CFAP263: variants seen among roughly 807,000 people sequenced by gnomAD.
CFAP263 encodes the protein cilia and flagella associated protein 263.
chr16:58,280,885 A>G, the CFAP263 span: 1 of 814,338 alleles, frequency 1.2e-6, no homozygotes, highest in South Asian at 2.1e-5. Context: ...GGGGCAAATT[A>G]TAGGATACAA....
chr16:58,250,410 T>C, the CFAP263 span: 1 of 295,996 alleles, frequency 3.4e-6, no homozygotes. Context: ...GCTTAGCCGA[T>C]CCACAATTCT....
chr16:58,265,787 G>A, the CFAP263 span, among the ~76,000 whole-genome samples: 1 of 152,202 alleles, frequency 6.6e-6, no homozygotes, highest in Non-Finnish European at 1.5e-5. Flanking sequence ...CTCCTCAAGG[G>A]ACCCACATCT....
chr16:58,263,195 G>C, the CFAP263 span, among the ~76,000 whole-genome samples: 1 of 152,258 alleles, frequency 6.6e-6, no homozygotes, highest in South Asian at 2.1e-4. Context: ...GCAACTGCAG[G>C]CCAGTGTGTC....
chr16:58,259,842 T>C, the CFAP263 span: 11 of 1,511,848 alleles, frequency 7.3e-6, no homozygotes, highest in Admixed American at 1.9e-4. Context: ...AAAATATGCC[T>C]TTATGTTTTA....
chr16:58,254,026 G>T, the CFAP263 span: 2 of 1,614,144 alleles, frequency 1.2e-6, no homozygotes, highest in South Asian at 1.1e-5. Flanking sequence ...TCCAAATCCC[G>T]GACAGGTATG....
chr16:58,268,085 G>A, the CFAP263 span, among the ~76,000 whole-genome samples: 1 of 151,274 alleles, frequency 6.6e-6, no homozygotes, highest in Non-Finnish European at 1.5e-5. Context: ...ACGACATCTC[G>A]CCGATACCCA....
At chr16:58,258,578 T>C in the CFAP263 span, 6 of 1,550,074 alleles carry the variant, frequency 3.9e-6, no homozygotes, top group Admixed American at 8.7e-5. Context: ...AGGGATGTTA[T>C]GGAAATCATC....
chr16:58,259,888 T>C, the CFAP263 span: 11 of 1,604,216 alleles, frequency 6.9e-6, no homozygotes, highest in Admixed American at 1.7e-5. Context: ...TTGAAAAATG[T>C]TTCTCTCAAA....
chr16:58,253,255 C>A, the CFAP263 span, among the ~76,000 whole-genome samples: 4 of 152,118 alleles, frequency 2.6e-5, no homozygotes, highest in Non-Finnish European at 4.4e-5. Context: ...GTGATATGCA[C>A]CTGTAGTTTT....
At chr16:58,255,444 C>CAG in the CFAP263 span, among the ~76,000 whole-genome samples, 2 of 152,212 alleles carry the variant, frequency 1.3e-5, no homozygotes, top group Non-Finnish European at 2.9e-5. Flanking sequence ...GCAACACCCT[C>CAG]ACAGTCACAC....
chr16:58,267,037 G>A, the CFAP263 span, among the ~76,000 whole-genome samples: 2 of 152,150 alleles, frequency 1.3e-5, no homozygotes, highest in African/African-American at 4.8e-5. Context: ...CACCTCATGA[G>A]GAGTATTCCC....
chr16:58,277,973 A>C, the CFAP263 span, among the ~76,000 whole-genome samples: 2 of 152,192 alleles, frequency 1.3e-5, no homozygotes, highest in African/African-American at 4.8e-5. Flanking sequence ...TCTGTTTTAC[A>C]AGACAAAAAG....
the CFAP263 span, chr16:58,259,824 A>C: frequency 7.4e-7 from 1 of 1,358,496 alleles, no homozygotes; most frequent in Admixed American, 1.8e-5. Flanking sequence ...AAATGGATTA[A>C]ATGCATTAAA....
the CFAP263 span, among the ~76,000 whole-genome samples, chr16:58,273,493 T>C: frequency 6.6e-6 from 1 of 152,352 alleles, no homozygotes; most frequent in African/African-American, 2.4e-5. Flanking sequence ...TTCATTTTAG[T>C]CATCATATTG....
At chr16:58,278,482 G>A in the CFAP263 span, 14 of 1,613,758 alleles carry the variant, frequency 8.7e-6, no homozygotes, top group Non-Finnish European at 1.2e-5. Flanking sequence ...CCCAACCCAG[G>A]ACCGGGCCAA....
chr16:58,262,768 T>TAGAC, the CFAP263 span, among the ~76,000 whole-genome samples: 1 of 122,500 alleles, frequency 8.2e-6, no homozygotes, highest in Non-Finnish European at 1.6e-5. Flanking sequence ...GATAGGTAGA[T>TAGAC]AGATAGATAG....
At chr16:58,255,068 T>C in the CFAP263 span, among the ~76,000 whole-genome samples, 14 of 152,276 alleles carry the variant, frequency 9.2e-5, no homozygotes, top group African/African-American at 3.4e-4. Flanking sequence ...ATCGATCGGC[T>C]GTCTGCAGGC....
At chr16:58,269,695 A>G in the CFAP263 span, among the ~76,000 whole-genome samples, 110,581 of 152,186 alleles carry the variant, frequency 0.73, 41,088 homozygotes, top group African/African-American at 0.89. Context: ...TTCGTTGTGT[A>G]GATAGACCAC....
the CFAP263 span, among the ~76,000 whole-genome samples, chr16:58,265,952 T>C: frequency 3.3e-5 from 5 of 152,084 alleles, no homozygotes; most frequent in African/African-American, 1.2e-4. Flanking sequence ...CTCTCCTTCC[T>C]CCCACCTGAA....
Sources: allele counts gnomAD v4.1 joint callset (sites outside exome capture counted in the v4.1 genomes callset), GRCh38; gene constraint gnomAD v4.1.1; transcripts MANE v1.5; gene names NCBI Gene and HGNC (gene_info 2026-07-23, HGNC 2026-07-21).